BCAS3: variants seen among roughly 807,000 people sequenced by gnomAD.
The protein encoded by BCAS3 is BCAS4/BCAS3 fusion.
A neutral mutation model predicts 116.1 loss-of-function variants in BCAS3; 53 were observed. The observed-to-expected ratio is 0.46, with a 90% confidence interval of 0.37 to 0.57. The LOEUF is 0.57. Ranked by LOEUF, BCAS3 falls within the 20% of genes least tolerant of loss-of-function variation. BCAS3 has a pLI of 0.00. For synonymous variants in BCAS3, 391 were observed against 408.2 expected, an observed-to-expected ratio of 0.96 and a Z score of 0.51; for missense variants, 917 against 1,165.4, an observed-to-expected ratio of 0.79 and a Z score of 3.10.
chr17:61,084,623 C>G lies in BCAS3; in HGVS notation c.2425+59C>G. Reference sequence around the variant, plus strand: ...GTCCTGTGCATTTTTAACTAATTTTCTCGCACAATGTAGAGGATGACATTT... The same window carrying G: ...GTCCTGTGCATTTTTAACTAATTTTGTCGCACAATGTAGAGGATGACATTT... On this transcript the variant is annotated intron_variant, in intron 22 of 23. Transcript: ENST00000407086. This position sits in a 1 kb window ranked among gnomAD's most constrained non-coding sequence, Gnocchi z 5.5. 3 of 1,376,410 alleles carry G rather than the reference C, an allele frequency of 2.2e-6. No homozygotes were observed. Among genetic ancestry groups the G allele is most frequent in the Non-Finnish European group, 3.1e-6 (3 of 970,742 alleles). The allele number at this position is 1,376,410 out of a possible 1,614,324, so 85.3% of individuals were successfully genotyped here.
At chr17:61,238,410 A>T (rs2083234352) in intron 22 of BCAS3, among the ~76,000 whole-genome samples, 1 of 151,842 alleles carries the variant, frequency 6.6e-6, no homozygotes, top group African/African-American at 2.4e-5. Flanking sequence ...TTTAGTAGAG[A>T]TGGGGTTTCA....
At chr17:61,207,042 T>G (rs2081185131) in intron 22 of BCAS3, among the ~76,000 whole-genome samples, 1 of 152,044 alleles carries the variant, frequency 6.6e-6, no homozygotes, top group African/African-American at 2.4e-5. Context: ...TTCAAGCACC[T>G]CTTTATTTGA....
rs1375881191 is a variant in BCAS3 at position 61,084,174 on chromosome 17, A to G, written c.2328-293A>G. 6.6e-6 allele frequency among the ~76,000 whole-genome samples: 1 copy of G among 151,848 alleles called. No individual in the cohort carries two copies. Among genetic ancestry groups the G allele is most frequent in the East Asian group, 1.9e-4 (1 of 5,188 alleles). ...TTTTCAGTGTTTAATTTCCTCTCCC[A>G]TTCTACTTATTGTATCCCTTTAAAT... On this transcript the variant is annotated intron_variant, in intron 21 of 23. Transcript: ENST00000407086. The surrounding 1 kb of genome is among the most constrained non-coding windows in gnomAD (Gnocchi z 5.5).
chr17:61,275,056 C>G (rs957039529), intron 22 of BCAS3, among the ~76,000 whole-genome samples: 1 of 152,022 alleles, frequency 6.6e-6, no homozygotes, highest in African/African-American at 2.4e-5. Flanking sequence ...CTCAGCATGT[C>G]GCCCAGGCTA....
chr17:61,192,258 A>AAAAAAAAAAAAAAAAAAAAAAAAAC, intron 22 of BCAS3, among the ~76,000 whole-genome samples: 1 of 149,882 alleles, frequency 6.7e-6, no homozygotes, highest in Non-Finnish European at 1.5e-5. Context: ...AAAAAAAAAA[A>AAAAAAAAAAAAAAAAAAAAAAAAAC]AAAAGAAACA....
rs1216526057 is a variant in BCAS3 at position 61,199,066 on chromosome 17, G to A, written c.2425+114502G>A. Among the ~76,000 whole-genome samples, 1 of 152,182 alleles carries A rather than the reference G, an allele frequency of 6.6e-6. No homozygotes were observed. Reference sequence around the variant, plus strand: ...TCCTGGAAAAAAAGTGTCCAGTAGAGTCTGTCCTTCCTGAGCTTAGTTAAA... The same window carrying A: ...TCCTGGAAAAAAAGTGTCCAGTAGAATCTGTCCTTCCTGAGCTTAGTTAAA... On this transcript the variant is annotated intron_variant, in intron 22 of 23. Coordinates refer to ENST00000407086, the MANE Select transcript of BCAS3 (RefSeq NM_017679.5). This position sits in a 1 kb window ranked among gnomAD's most constrained non-coding sequence, Gnocchi z 4.6.
chr17:61,283,015 C>T (rs2051372513), intron 22 of BCAS3, among the ~76,000 whole-genome samples: 1 of 151,166 alleles, frequency 6.6e-6, no homozygotes, highest in Non-Finnish European at 1.5e-5. Flanking sequence ...AATAAATCAG[C>T]CCATGGCATC....
rs549870886 is a variant in BCAS3 at position 61,368,802 on chromosome 17, G to C, written c.2593+308G>C. ...GGGTGTCCCCACGTCTTCCAGCAGC[G>C]CTCAGGCACTGAGTCCTCAGGTTGT... is the stretch of plus-strand genomic sequence containing the variant. On this transcript the variant is annotated intron_variant, in intron 23 of 23. Coordinates refer to ENST00000407086, the MANE Select transcript of BCAS3 (RefSeq NM_017679.5). The surrounding 1 kb of genome is among the most constrained non-coding windows in gnomAD (Gnocchi z 6.0). 1.3e-5 allele frequency among the ~76,000 whole-genome samples: 2 copies of C among 152,168 alleles called. No homozygotes were observed. The highest frequency in any genetic ancestry group is 2.9e-5 in the Non-Finnish European group (2 of 68,036).
intron 7 of BCAS3, among the ~76,000 whole-genome samples, chr17:60,864,824 T>C (rs1481626348): frequency 2.0e-5 from 3 of 152,196 alleles, no homozygotes; most frequent in Non-Finnish European, 4.4e-5. Flanking sequence ...AAATGAACAC[T>C]TAGAGGCTAT....
chr17:60,916,684 T>A (rs1337640007), intron 12 of BCAS3, among the ~76,000 whole-genome samples: 5 of 152,162 alleles, frequency 3.3e-5, no homozygotes, highest in African/African-American at 1.2e-4. Flanking sequence ...TTTTATATTT[T>A]AAAAAATGGG....
At chr17:60,810,970 A>G in intron 7 of BCAS3, 1 of 674,858 alleles carries the variant, frequency 1.5e-6, no homozygotes, top group South Asian at 1.4e-5. Context: ...GGAGCTGGAC[A>G]AGTACTAGTC....
At chr17:61,059,061 A>ATTT (rs1665097071) in intron 19 of BCAS3, among the ~76,000 whole-genome samples, 3 of 35,830 alleles carry the variant, frequency 8.4e-5, no homozygotes, top group Admixed American at 2.9e-4. Flanking sequence ...TTTTCTCCCC[A>ATTT]TCTTTTTTTT....
chr17:60,766,264 A>G (rs8072060), intron 6 of BCAS3, among the ~76,000 whole-genome samples: 42,133 of 152,056 alleles, frequency 0.28, 11,531 homozygotes, highest in African/African-American at 0.72. Context: ...GTGGAGAAGA[A>G]GCGCTCTGGT....
At chr17:60,799,979 C>A (rs1443227514) in intron 6 of BCAS3, among the ~76,000 whole-genome samples, 1 of 152,044 alleles carries the variant, frequency 6.6e-6, no homozygotes, top group African/African-American at 2.4e-5. Context: ...ATGTACCATT[C>A]ATCTGTTGAG....
In BCAS3 at chr17:61,354,154, G is replaced by T. The variant is rs1019802446; in HGVS notation, c.2426-14173G>T. ...AGAAGGTCGCACAACCACCCTGGAC[G>T]GTGAGAAACTAAGGTGACTGAGGCA... On this transcript the variant is annotated intron_variant, in intron 22 of 23. Transcript: ENST00000407086. This position sits in a 1 kb window ranked among gnomAD's most constrained non-coding sequence, Gnocchi z 4.5. The T allele has an allele frequency of 6.6e-6, 1 of 152,168 alleles. No individual in the cohort carries two copies. The highest frequency in any genetic ancestry group is 1.5e-5 in the Non-Finnish European group (1 of 68,068). The allele number at this position is 152,168 out of a possible 1,614,324, so 9.4% of individuals were successfully genotyped here. A position where few individuals can be genotyped will look rare whatever the true frequency, so the allele number is the denominator to read the frequency against.
rs1203003668 is a variant in BCAS3 at position 61,241,428 on chromosome 17, T to A, written c.2426-126899T>A. ...TAAATAAGCTTAATAAAATAATAGT[T>A]TGGGCCTGCGCAGTGGCTCACCCCT... On this transcript the variant is annotated intron_variant, in intron 22 of 23. Transcript: ENST00000407086. This position sits in a 1 kb window ranked among gnomAD's most constrained non-coding sequence, Gnocchi z 4.6. Among the ~76,000 whole-genome samples, 1 of 151,828 alleles carries A rather than the reference T, an allele frequency of 6.6e-6. No homozygotes were observed. The highest frequency in any genetic ancestry group is 1.9e-4 in the East Asian group (1 of 5,168).
At position 61,161,909 on chromosome 17, in the gene BCAS3, G is replaced by A. The variant is rs370098250; in HGVS notation, c.2425+77345G>A. Among the ~76,000 whole-genome samples, 4 of 152,122 alleles carry A rather than the reference G, an allele frequency of 2.6e-5. No individual in the cohort carries two copies. The highest frequency in any genetic ancestry group is 3.8e-4 in the East Asian group (2 of 5,196). ...TGAGCAGCACGGATTTGCTGCGATG[G>A]TCAGAATTCAATTATATTACTCTCT... On this transcript the variant is annotated intron_variant, in intron 22 of 23. Transcript: ENST00000407086. This position sits in a 1 kb window ranked among gnomAD's most constrained non-coding sequence, Gnocchi z 4.8.
In BCAS3 at chr17:61,325,669, T is replaced by C. The variant is rs1200366498; in HGVS notation, c.2426-42658T>C. ...ATCTTAAAGTGACAGGGCCCCGTTT[T>C]CAAAGAATAACTGGCTGGCTTCCAG... is the stretch of plus-strand genomic sequence containing the variant. On this transcript the variant is annotated intron_variant, in intron 22 of 23. Coordinates refer to ENST00000407086, the MANE Select transcript of BCAS3 (RefSeq NM_017679.5). The surrounding 1 kb of genome is among the most constrained non-coding windows in gnomAD (Gnocchi z 6.4). Among the ~76,000 whole-genome samples the C allele has an allele frequency of 6.6e-6, 1 of 152,196 alleles. No individual in the cohort carries two copies. The highest frequency in any genetic ancestry group is 1.5e-5 in the Non-Finnish European group (1 of 68,042).
chr17:61,230,517 C>T (rs1390911754), intron 22 of BCAS3, among the ~76,000 whole-genome samples: 1 of 152,048 alleles, frequency 6.6e-6, no homozygotes, highest in Admixed American at 6.6e-5. Context: ...CATGGGTGCT[C>T]AATGTTTCAC....
Sources: allele counts gnomAD v4.1 joint callset (sites outside exome capture counted in the v4.1 genomes callset), GRCh38; gene constraint gnomAD v4.1.1; non-coding constraint Gnocchi (gnomAD v3.1); transcripts MANE v1.5; gene names NCBI Gene and HGNC (gene_info 2026-07-23, HGNC 2026-07-21).